Variants in KLHL4 observed in about 807,000 individuals in gnomAD.
KLHL4 encodes kelch like family member 4, also known as kelch-like protein 4.
In KLHL4, 17 loss-of-function variants were observed where a neutral mutation model predicts 45.8. The ratio of observed to expected loss-of-function variants is 0.37; its 90% CI spans 0.25 to 0.56. The LOEUF is 0.56. Ranked by LOEUF, KLHL4 falls within the 20% of genes least tolerant of loss-of-function variation. The probability of loss-of-function intolerance (pLI) is 0.79; values close to 1 mark genes in which losing one functional copy is unlikely to be tolerated. For synonymous variants in KLHL4, 224 were observed against 189.9 expected (o/e 1.18, Z -1.47); for missense variants, 544 against 544.9 (o/e 1.00, Z 0.02).
intron 1 of KLHL4, among the ~76,000 whole-genome samples, chrX:87,588,923 T>A (rs1311070643): frequency 9.0e-6 from 1 of 110,960 alleles, no homozygotes; most frequent in Non-Finnish European, 1.9e-5. Flanking sequence ...ACCCACAGAA[T>A]GGGAGAGAAT....
chrX:87,658,329 C>T (rs973360556), intron 9 of KLHL4, among the ~76,000 whole-genome samples: 3 of 111,832 alleles, frequency 2.7e-5, no homozygotes, highest in Admixed American at 1.9e-4. Context: ...AGTCTGGAGA[C>T]TTGCCCAGCT....
chrX:87,526,075 C>G (rs1931104883), intron 1 of KLHL4, among the ~76,000 whole-genome samples: 1 of 111,902 alleles, frequency 8.9e-6, no homozygotes, highest in South Asian at 3.7e-4. Context: ...TATTACATTT[C>G]TTGTCTACCC....
At chrX:87,519,677 A>T (rs1171463356) in intron 1 of KLHL4, among the ~76,000 whole-genome samples, 1 of 112,508 alleles carries the variant, frequency 8.9e-6, no homozygotes, top group Non-Finnish European at 1.9e-5. Flanking sequence ...GGTACAACAA[A>T]TAAGACTCTC....
At chrX:87,619,002 G>A (rs180835266) in intron 4 of KLHL4, among the ~76,000 whole-genome samples, 5 of 111,574 alleles carry the variant, frequency 4.5e-5, no homozygotes, top group Non-Finnish European at 9.4e-5. Context: ...AATGGACAGA[G>A]GATATTCAAT....
chrX:87,668,324 C>T lies in KLHL4; in HGVS notation c.*1790C>T, dbSNP rs770339878. 8.0e-6 allele frequency: 6 copies of T among 752,248 alleles called. No individual in the cohort carries two copies. The highest frequency in any genetic ancestry group is 1.8e-4 in the Admixed American group (2 of 11,397). 62.0% of individuals were successfully genotyped at this position (752,248 alleles called of 1,213,427 possible). The stretch of plus-strand genomic sequence containing the variant: ...TAGCTTGCCAATCTTCCAGTAACAA[C>T]GAGGTGCTACCAATAGGCAGACTGT... On this transcript the variant is annotated 3_prime_UTR_variant, in exon 11 of 11. Transcript: ENST00000373119.
intron 1 of KLHL4, among the ~76,000 whole-genome samples, chrX:87,525,753 C>T (rs1473265579): frequency 9.0e-6 from 1 of 111,719 alleles, no homozygotes; most frequent in Non-Finnish European, 1.9e-5. Flanking sequence ...TATACTTACA[C>T]TATCATTTGC....
At chrX:87,522,609 T>C (rs770782428) in intron 1 of KLHL4, among the ~76,000 whole-genome samples, 2 of 112,264 alleles carry the variant, frequency 1.8e-5, no homozygotes, top group Admixed American at 1.9e-4. Flanking sequence ...GTAGAGACTT[T>C]TATGTCAAAT....
At chrX:87,585,774 C>A (rs1187221316) in intron 1 of KLHL4, among the ~76,000 whole-genome samples, 1 of 110,498 alleles carries the variant, frequency 9.0e-6, no homozygotes, top group African/African-American at 3.3e-5. Context: ...CCTTACTCAT[C>A]GATAATAACA....
At chrX:87,562,898 T>G (rs750258648) in intron 1 of KLHL4, among the ~76,000 whole-genome samples, 1 of 111,285 alleles carries the variant, frequency 9.0e-6, no homozygotes, top group African/African-American at 3.3e-5. Flanking sequence ...CCCTCCTCAA[T>G]TCCAGGCAGC....
At chrX:87,552,048 G>T (rs1284206573) in intron 1 of KLHL4, among the ~76,000 whole-genome samples, 1 of 111,152 alleles carries the variant, frequency 9.0e-6, no homozygotes, top group Non-Finnish European at 1.9e-5. Context: ...AATAGCTTGG[G>T]ACTTATTTAA....
chrX:87,644,478 G>T (rs1392332646), intron 9 of KLHL4, among the ~76,000 whole-genome samples: 1 of 110,817 alleles, frequency 9.0e-6, no homozygotes, highest in East Asian at 2.8e-4. Context: ...TGTCCACACT[G>T]CCAAAAGCAG....
At position 87,622,303 on chromosome X, in the gene KLHL4, G is replaced by T. The variant is rs758069355; in HGVS notation, c.1017G>T (p.Val339=). 2 of 1,203,062 alleles carry T rather than the reference G, an allele frequency of 1.7e-6. No individual in the cohort carries two copies. Among genetic ancestry groups the T allele is most frequent in the South Asian group, 3.5e-5 (2 of 56,630 alleles). ...SKLLCSDDIN[V]PDEETIFHAL... ...TTCTGTGCAGTGATGACATTAATGT[G>T]CCTGATGAAGAGACCATTTTTCATG... The change falls in exon 5 of 11, where the codon GTG becomes GTT. Residue 339 remains valine (V), a synonymous_variant. Coordinates refer to ENST00000373119, the MANE Select transcript of KLHL4 (RefSeq NM_019117.5).
At chrX:87,570,177 G>A (rs753888139) in intron 1 of KLHL4, among the ~76,000 whole-genome samples, 4 of 111,160 alleles carry the variant, frequency 3.6e-5, no homozygotes, top group Non-Finnish European at 5.7e-5. Flanking sequence ...GGTACAAAAT[G>A]TATGTATTTG....
intron 1 of KLHL4, among the ~76,000 whole-genome samples, chrX:87,566,335 A>AG (rs1932211368): frequency 9.0e-6 from 1 of 111,480 alleles, no homozygotes. Flanking sequence ...TTGAAAAAAA[A>AG]TACAATTGTT....
At chrX:87,535,819 T>C (rs779316001) in intron 1 of KLHL4, among the ~76,000 whole-genome samples, 24 of 110,764 alleles carry the variant, frequency 2.2e-4, no homozygotes, top group Non-Finnish European at 3.8e-4. Flanking sequence ...AGCACCATCC[T>C]TTTGGTGCTG....
At chrX:87,540,582 C>T (rs1931528827) in intron 1 of KLHL4, among the ~76,000 whole-genome samples, 1 of 111,355 alleles carries the variant, frequency 9.0e-6, no homozygotes, top group African/African-American at 3.3e-5. Flanking sequence ...CTTCCACCTC[C>T]ACATCTTGTA....
At chrX:87,661,119 G>A (rs753704936) in intron 9 of KLHL4, among the ~76,000 whole-genome samples, 1 of 111,857 alleles carries the variant, frequency 8.9e-6, no homozygotes, top group East Asian at 2.8e-4. Flanking sequence ...TATATAATCA[G>A]AGATACAAAT....
At chrX:87,610,575 C>T (rs897785949) in intron 1 of KLHL4, among the ~76,000 whole-genome samples, 2 of 111,360 alleles carry the variant, frequency 1.8e-5, no homozygotes, top group Non-Finnish European at 3.8e-5. Flanking sequence ...AACATTTCTG[C>T]ATTTAGAATT....
chrX:87,552,055 T>G, intron 1 of KLHL4, among the ~76,000 whole-genome samples: 1 of 111,520 alleles, frequency 9.0e-6, no homozygotes, highest in Middle Eastern at 4.6e-3. Flanking sequence ...TGGGACTTAT[T>G]TAATCTAAAG....
Sources: allele counts gnomAD v4.1 joint callset (sites outside exome capture counted in the v4.1 genomes callset), GRCh38; gene constraint gnomAD v4.1.1; transcripts MANE v1.5; gene names NCBI Gene and HGNC (gene_info 2026-07-23, HGNC 2026-07-21).